CTNNBL1: variants seen among roughly 807,000 people sequenced by gnomAD.
CTNNBL1 encodes the protein beta-catenin-like protein 1.
In CTNNBL1, 31 loss-of-function variants were observed where a neutral mutation model predicts 72.7. The observed-to-expected ratio is 0.43, with a 90% confidence interval of 0.32 to 0.58. The LOEUF (loss-of-function observed/expected upper bound fraction) is 0.58, where lower values mean the gene tolerates loss of function less well. Ranked by LOEUF, CTNNBL1 falls within the 20% of genes least tolerant of loss-of-function variation. The probability of loss-of-function intolerance (pLI) is 0.08; values close to 1 mark genes in which losing one functional copy is unlikely to be tolerated. For synonymous variants in CTNNBL1, 240 were observed against 267.3 expected, an observed-to-expected ratio of 0.90 and a Z score of 1.00; for missense variants, 534 against 725.1, an observed-to-expected ratio of 0.74 and a Z score of 3.03.
chr20:37,750,605 C>T (rs1285898125), intron 4 of CTNNBL1: 1 of 151,952 alleles, frequency 6.6e-6, no homozygotes, highest in African/African-American at 2.4e-5. Context: ...TCAGTTGGCC[C>T]AAAGGAACAA....
Position 37,697,166 on chromosome 20 carries a change from A to G in CTNNBL1, c.30+3014A>G, listed in dbSNP as rs573756615. Among the ~76,000 whole-genome samples the G allele has an allele frequency of 2.0e-5, 3 of 152,196 alleles. No individual in the cohort carries two copies. In the East Asian group the frequency reaches 5.8e-4, roughly 29 times the overall value. On this transcript the variant is annotated intron_variant, in intron 1 of 15. Transcript: ENST00000361383. ...CCATTGCACTCCAGCCTGGGCAACA[A>G]GAGCGAAACTCTCTCTCAAAGAAAA... is the stretch of plus-strand genomic sequence containing the variant.
chr20:37,733,090 G>A, intron 2 of CTNNBL1, 23 bp downstream of exon 2: 1 of 1,605,922 alleles, frequency 6.2e-7, no homozygotes, highest in South Asian at 1.1e-5. Flanking sequence ...CGCTGGGTGG[G>A]AGCTGAGATG....
chr20:37,798,473 A>G (rs2122728025), intron 10 of CTNNBL1, among the ~76,000 whole-genome samples: 1 of 152,294 alleles, frequency 6.6e-6, no homozygotes, highest in African/African-American at 2.4e-5. Context: ...CTTGTCCTCC[A>G]GTAGAATAAA....
At position 37,833,525 on chromosome 20, in the gene CTNNBL1, T is replaced by C. The variant is rs143214749; in HGVS notation, c.1214-6577T>C. 4.3e-3 allele frequency among the ~76,000 whole-genome samples: 650 copies of C among 152,282 alleles called. 4 individuals carry two copies. The highest frequency in any genetic ancestry group is 0.015 in the African/African-American group (614 of 41,544). ...ACCTCTCTGCCTAGTGATTTGAAAA[T>C]GTAGATTTGCCTGGCCTTCCCCTTG... On this transcript the variant is annotated intron_variant, in intron 11 of 15. Transcript: ENST00000361383.
chr20:37,840,003 C>T (rs2033919483), intron 11 of CTNNBL1, 99 bp from the exon 12 acceptor site: 2 of 790,816 alleles, frequency 2.5e-6, no homozygotes, highest in African/African-American at 1.7e-5. Flanking sequence ...TCAGAAAGGC[C>T]TACTTATTCT....
intron 1 of CTNNBL1, among the ~76,000 whole-genome samples, chr20:37,701,431 A>G (rs931610797): frequency 2.3e-4 from 35 of 152,214 alleles, no homozygotes; most frequent in African/African-American, 8.0e-4. Context: ...GACATGGACC[A>G]TGGACATTAA....
intron 3 of CTNNBL1, among the ~76,000 whole-genome samples, chr20:37,740,268 G>A (rs1316749584): frequency 6.6e-6 from 1 of 152,028 alleles, no homozygotes; most frequent in African/African-American, 2.4e-5. Context: ...ATTCTCACTG[G>A]TGCAGTGTCT....
chr20:37,743,924 G>A (rs925641501), intron 3 of CTNNBL1, among the ~76,000 whole-genome samples: 1 of 151,390 alleles, frequency 6.6e-6, no homozygotes, highest in African/African-American at 2.4e-5. Flanking sequence ...GTAAAATAGA[G>A]TTCATAAAGG....
chr20:37,728,802 A>G (rs1356507446), intron 1 of CTNNBL1, among the ~76,000 whole-genome samples: 7 of 152,214 alleles, frequency 4.6e-5, no homozygotes, highest in Non-Finnish European at 1.0e-4. Flanking sequence ...GCTCTGCCAT[A>G]GAGTCATCAT....
chr20:37,806,179 C>T (rs533715664), intron 11 of CTNNBL1, among the ~76,000 whole-genome samples: 74 of 152,314 alleles, frequency 4.9e-4, no homozygotes, highest in African/African-American at 1.6e-3. Context: ...CCCTTAAGAG[C>T]TTTGCTGTAC....
chr20:37,774,754 G>A (rs1271405608), intron 7 of CTNNBL1, among the ~76,000 whole-genome samples: 1 of 152,168 alleles, frequency 6.6e-6, no homozygotes, highest in Admixed American at 6.5e-5. Flanking sequence ...CTCATAGCTG[G>A]TAACTGTTAG....
At chr20:37,759,361 G>T (rs963523361) in intron 5 of CTNNBL1, among the ~76,000 whole-genome samples, 1 of 152,070 alleles carries the variant, frequency 6.6e-6, no homozygotes, top group South Asian at 2.1e-4. Flanking sequence ...TGGTCCCTGG[G>T]CTGATTTTAA....
intron 7 of CTNNBL1, among the ~76,000 whole-genome samples, chr20:37,772,803 G>T (rs1054508775): frequency 1.3e-5 from 2 of 152,186 alleles, no homozygotes; most frequent in Non-Finnish European, 2.9e-5. Flanking sequence ...TGATTCTTAA[G>T]TGAGTGGCAC....
rs966921496 is a variant in CTNNBL1, at chr20:37,777,526, C to T, written c.823+109C>T. The T allele has an allele frequency of 4.4e-6, 6 of 1,376,160 alleles. No homozygotes were observed. The African/African-American group carries it at 7.1e-5, about 16-fold the overall frequency. 85.2% of individuals were successfully genotyped at this position (1,376,160 alleles called of 1,614,324 possible). The stretch of plus-strand genomic sequence containing the variant: ...TGGCATCCCCTTGCTCTCCCTCTCA[C>T]TCCCTGTGCTGCTTTTGTACTCTGT... On this transcript the variant is annotated intron_variant, in intron 8 of 15. Coordinates refer to ENST00000361383, the MANE Select transcript of CTNNBL1 (RefSeq NM_030877.5).
chr20:37,718,730 A>G (rs1218805434), intron 1 of CTNNBL1, among the ~76,000 whole-genome samples: 2 of 152,260 alleles, frequency 1.3e-5, no homozygotes, highest in African/African-American at 4.8e-5. Context: ...AAAATTGCAG[A>G]TAGGCAAGGA....
At chr20:37,757,711 C>A in intron 5 of CTNNBL1, 55 bp downstream of exon 5, 1 of 1,355,224 alleles carries the variant, frequency 7.4e-7, no homozygotes, top group South Asian at 1.2e-5. Context: ...TTGGCATTGC[C>A]ACCACCATCG....
chr20:37,788,630 T>G (rs1015948927), intron 10 of CTNNBL1, among the ~76,000 whole-genome samples: 1 of 152,276 alleles, frequency 6.6e-6, no homozygotes, highest in Admixed American at 6.5e-5. Flanking sequence ...GTGCCCATGC[T>G]GGGCTTCAGA....
At chr20:37,796,121 A>G (rs1378727908) in intron 10 of CTNNBL1, among the ~76,000 whole-genome samples, 1 of 152,040 alleles carries the variant, frequency 6.6e-6, no homozygotes, top group Non-Finnish European at 1.5e-5. Flanking sequence ...AGACTTTTCT[A>G]CTGTAACTGG....
At chr20:37,852,043 T>C (rs1221602743) in intron 13 of CTNNBL1, among the ~76,000 whole-genome samples, 3 of 152,350 alleles carry the variant, frequency 2.0e-5, no homozygotes, top group Admixed American at 6.5e-5. Context: ...GCAGGTGCCC[T>C]GCTTTGCACA....
Sources: gnomAD v4.1 joint callset for allele counts (sites outside exome capture counted in the v4.1 genomes callset) on GRCh38, gnomAD v4.1.1 for gene constraint, MANE v1.5 for transcripts, NCBI Gene and HGNC (gene_info 2026-07-23, HGNC 2026-07-21) for gene names.